DNAJC5B: variants seen among roughly 807,000 people sequenced by gnomAD.
DNAJC5B encodes dnaJ homolog subfamily C member 5B.
In DNAJC5B, 23 loss-of-function variants were observed where a neutral mutation model predicts 24.7. The ratio of observed to expected loss-of-function variants is 0.93; its 90% CI spans 0.67 to 1.32. The LOEUF (loss-of-function observed/expected upper bound fraction) is 1.32. DNAJC5B is among the 40% of genes most tolerant of loss of function. The probability of loss-of-function intolerance (pLI) is 0.00; values close to 1 mark genes in which losing one functional copy is unlikely to be tolerated. For synonymous variants in DNAJC5B, 101 were observed against 90.1 expected, an observed-to-expected ratio of 1.12 and a Z score of -0.68; for missense variants, 238 against 240.8, an observed-to-expected ratio of 0.99 and a Z score of 0.08.
chr8:66,074,822 C>T (rs1226393567), intron 3 of DNAJC5B, among the ~76,000 whole-genome samples: 1 of 152,172 alleles, frequency 6.6e-6, no homozygotes, highest in Non-Finnish European at 1.5e-5. Context: ...GAGGATTCCT[C>T]AGAGCCAAGA....
At position 66,085,081 on chromosome 8, in the gene DNAJC5B, T is replaced by A. The variant is rs1452637111; in HGVS notation, c.505+4533T>A. Among the ~76,000 whole-genome samples, 5 of 152,212 alleles carry A rather than the reference T, an allele frequency of 3.3e-5. No individual in the cohort carries two copies. In the South Asian group the frequency reaches 1.0e-3, roughly 32 times the overall value. On this transcript the variant is annotated intron_variant, in intron 5 of 5. Coordinates refer to ENST00000276570, the MANE Select transcript of DNAJC5B (RefSeq NM_033105.6). The stretch of plus-strand genomic sequence containing the variant: ...CCATTTGTTGAAAATGTTCTCTGTA[T>A]CCTCTACATGGTCTCTACTATGTAT...
In DNAJC5B at chr8:66,040,353, G is replaced by A. The variant is rs544021763; in HGVS notation, c.-141-3135G>A. Among the ~76,000 whole-genome samples, 20 of 151,758 alleles carry A rather than the reference G, an allele frequency of 1.3e-4. 1 individual carries two copies. The East Asian group carries it at 3.1e-3, about 23-fold the overall frequency. On this transcript the variant is annotated intron_variant, in intron 1 of 5. Transcript: ENST00000276570. ...TGCAGTGAGCCAAGATCGTGCCACT[G>A]CACTCCAGCTTGGCAACAGAGTGAG...
chr8:66,034,275 A>G (rs925843189), intron 1 of DNAJC5B, among the ~76,000 whole-genome samples: 8 of 150,644 alleles, frequency 5.3e-5, no homozygotes, highest in Non-Finnish European at 1.2e-4. Context: ...AGAATGGTAA[A>G]AGATCTTACT....
intron 5 of DNAJC5B, among the ~76,000 whole-genome samples, chr8:66,090,442 C>G (rs1452799172): frequency 1.3e-5 from 2 of 152,016 alleles, no homozygotes; most frequent in Non-Finnish European, 2.9e-5. Flanking sequence ...AAATTTCCAG[C>G]TAAACCCTAA....
chr8:66,017,924 A>G (rs543739660), upstream of DNAJC5B, among the ~76,000 whole-genome samples: 13 of 152,358 alleles, frequency 8.5e-5, no homozygotes, highest in African/African-American at 3.1e-4. Context: ...CCAAAAGCAA[A>G]ATAAGAACAA....
chr8:66,063,748 T>C (rs1345401817), intron 3 of DNAJC5B, among the ~76,000 whole-genome samples: 2 of 152,242 alleles, frequency 1.3e-5, no homozygotes, highest in Admixed American at 1.3e-4. Context: ...TAATTATTTA[T>C]ATTATACTAT....
In DNAJC5B at chr8:66,076,810, G is replaced by T; in HGVS notation, c.270G>T (p.Val90=). Residue 90 remains valine (V), a synonymous_variant, in exon 4 of 6, where the codon GTG becomes GTT. Transcript: ENST00000276570. ...AGTACGGATCGCTGGGACTCTACGTGGCCGAGCAGTTTGGAGACGAAAACG... is the reference window on the plus strand; with the variant it reads ...AGTACGGATCGCTGGGACTCTACGTTGCCGAGCAGTTTGGAGACGAAAACG... ...YDKYGSLGLY[V]AEQFGDENVN... 6.2e-7 allele frequency: 1 copy of T among 1,614,170 alleles called. No individual in the cohort carries two copies.
the DNAJC5B span, among the ~76,000 whole-genome samples, chr8:66,016,366 T>C: frequency 6.6e-6 from 1 of 152,172 alleles, no homozygotes; most frequent in Non-Finnish European, 1.5e-5. Context: ...TGATAATGAG[T>C]GTGTCTCATG....
chr8:66,093,617 G>A (rs1807892084), intron 5 of DNAJC5B, among the ~76,000 whole-genome samples: 1 of 151,800 alleles, frequency 6.6e-6, no homozygotes, highest in Non-Finnish European at 1.5e-5. Context: ...AAATATTCTG[G>A]GTATTGATTC....
At chr8:66,033,770 CTTTT>C (rs765814272) in intron 1 of DNAJC5B, among the ~76,000 whole-genome samples, 22 of 105,394 alleles carry the variant, frequency 2.1e-4, no homozygotes, top group African/African-American at 6.4e-4. Context: ...GATCATTCCG[CTTTT>C]TTTTTTTTTT....
At chr8:66,082,878 AT>A (rs1807627440) in intron 5 of DNAJC5B, among the ~76,000 whole-genome samples, 1 of 151,994 alleles carries the variant, frequency 6.6e-6, no homozygotes, top group Non-Finnish European at 1.5e-5. Flanking sequence ...AAAAATCGCA[AT>A]TGTTTAATTA....
chr8:66,068,844 A>G (rs1807281478), intron 3 of DNAJC5B, among the ~76,000 whole-genome samples: 1 of 152,144 alleles, frequency 6.6e-6, no homozygotes. Flanking sequence ...CAGAGGAAAA[A>G]ATACATATTA....
chr8:66,063,645 C>T (rs368305996), intron 3 of DNAJC5B, among the ~76,000 whole-genome samples: 3 of 152,326 alleles, frequency 2.0e-5, no homozygotes, highest in African/African-American at 7.2e-5. Flanking sequence ...GTTCTTCATG[C>T]AGTGCCAATC....
At chr8:66,054,633 A>T (rs1339844054) in intron 3 of DNAJC5B, among the ~76,000 whole-genome samples, 1 of 152,266 alleles carries the variant, frequency 6.6e-6, no homozygotes. Flanking sequence ...AAAAAATGGC[A>T]ATGGTGTGAA....
chr8:66,050,522 A>G (rs577358599), intron 2 of DNAJC5B, among the ~76,000 whole-genome samples: 90 of 152,252 alleles, frequency 5.9e-4, no homozygotes, highest in African/African-American at 2.0e-3. Flanking sequence ...ACCATCTGAT[A>G]GATAGTTCTA....
At chr8:66,034,331 G>A (rs1263027795) in intron 1 of DNAJC5B, among the ~76,000 whole-genome samples, 2 of 151,920 alleles carry the variant, frequency 1.3e-5, no homozygotes, top group Non-Finnish European at 2.9e-5. Context: ...CCCTAGCACT[G>A]GAGACCCTGG....
intron 1 of DNAJC5B, among the ~76,000 whole-genome samples, chr8:66,033,913 C>T (rs1281072025): frequency 4.0e-5 from 6 of 151,772 alleles, no homozygotes; most frequent in Non-Finnish European, 7.4e-5. Context: ...TGTGGGAGCT[C>T]GTTCTGGATA....
At chr8:66,092,391 C>T (rs993714489) in intron 5 of DNAJC5B, among the ~76,000 whole-genome samples, 4 of 152,112 alleles carry the variant, frequency 2.6e-5, no homozygotes, top group East Asian at 1.9e-4. Context: ...ACACCAGCTA[C>T]CTTGAGGGCA....
chr8:66,034,627 C>T (rs1806441766), intron 1 of DNAJC5B, among the ~76,000 whole-genome samples: 1 of 151,558 alleles, frequency 6.6e-6, no homozygotes, highest in Admixed American at 6.6e-5. Flanking sequence ...AGGTGGAGGG[C>T]ATCCAAGATC....
Sources: gnomAD v4.1 joint callset for allele counts (sites outside exome capture counted in the v4.1 genomes callset) on GRCh38, gnomAD v4.1.1 for gene constraint, MANE v1.5 for transcripts, NCBI Gene and HGNC (gene_info 2026-07-23, HGNC 2026-07-21) for gene names.